The following FBXO34 variants were observed in gnomAD, a reference collection of about 807,000 sequenced individuals.
FBXO34 encodes F-box only protein 34.
A neutral mutation model predicts 24.5 loss-of-function variants in FBXO34; 12 were observed. The observed-to-expected ratio is 0.49, with a 90% CI of 0.31 to 0.79. The LOEUF is 0.79. FBXO34 is among the 30% of genes least tolerant of loss of function. The pLI is 0.04. For synonymous variants in FBXO34, 320 were observed against 311.9 expected (o/e 1.03, Z -0.27); for missense variants, 823 against 857.7 (o/e 0.96, Z 0.51).
chr14:55,339,365 C>T (rs1202802468), intron 1 of FBXO34: 1 of 132,496 alleles, frequency 7.5e-6, no homozygotes, highest in Admixed American at 7.5e-5. Context: ...TGTAACTGCT[C>T]CTTTAATCAC....
At chr14:55,333,789 A>G (rs1321209335) in intron 1 of FBXO34, among the ~76,000 whole-genome samples, 1 of 151,328 alleles carries the variant, frequency 6.6e-6, no homozygotes, top group African/African-American at 2.4e-5. Context: ...GTAAAGACTC[A>G]TGGGGAGACT....
intron 1 of FBXO34, among the ~76,000 whole-genome samples, chr14:55,295,584 C>T (rs1460566408): frequency 2.0e-5 from 3 of 151,806 alleles, no homozygotes; most frequent in Non-Finnish European, 4.4e-5. Flanking sequence ...TTAGTAGAGA[C>T]GGGGTTTTGC....
the FBXO34 span, among the ~76,000 whole-genome samples, chr14:55,386,858 C>G: frequency 2.6e-5 from 4 of 152,274 alleles, no homozygotes; most frequent in South Asian, 8.3e-4. Context: ...AACTCTCAGA[C>G]AGATATCTAG....
At chr14:55,386,930 C>G in the FBXO34 span, among the ~76,000 whole-genome samples, 1 of 152,028 alleles carries the variant, frequency 6.6e-6, no homozygotes, top group African/African-American at 2.4e-5. Context: ...CCAGGAAAAT[C>G]TTCTCCAGTT....
At chr14:55,278,724 G>C (rs941836120) in intron 1 of FBXO34, among the ~76,000 whole-genome samples, 1 of 152,184 alleles carries the variant, frequency 6.6e-6, no homozygotes, top group Non-Finnish European at 1.5e-5. Context: ...TGCTTGATCT[G>C]TTGCCTAGGC....
chr14:55,369,678 T>C, downstream of FBXO34: 1 of 1,582,216 alleles, frequency 6.3e-7, no homozygotes, highest in Non-Finnish European at 8.6e-7. Flanking sequence ...GCAGAGGAGA[T>C]CATCCCACCT....
the FBXO34 span, among the ~76,000 whole-genome samples, chr14:55,398,951 C>A: frequency 6.6e-6 from 1 of 152,096 alleles, no homozygotes; most frequent in East Asian, 1.9e-4. Flanking sequence ...ATGACTCATG[C>A]TGCAGTAACA....
the FBXO34 span, among the ~76,000 whole-genome samples, chr14:55,382,672 G>A: frequency 1.3e-5 from 2 of 152,176 alleles, no homozygotes; most frequent in Admixed American, 6.5e-5. Context: ...TGAAATATAC[G>A]TAGATAAGAG....
intron 1 of FBXO34, among the ~76,000 whole-genome samples, chr14:55,329,642 T>A (rs1276254514): frequency 6.6e-6 from 1 of 152,220 alleles, no homozygotes; most frequent in East Asian, 1.9e-4. Flanking sequence ...AATGGTGGAA[T>A]AGGATTAAAA....
rs138652671 is a variant in FBXO34, at chr14:55,351,115, C to G, written c.725C>G (p.Ser242Cys). The G allele has an allele frequency of 1.2e-6, 2 of 1,614,088 alleles. No homozygotes were observed. The highest frequency in any genetic ancestry group is 2.7e-5 in the African/African-American group (2 of 74,934). Residue 242 changes from serine to cysteine, a missense_variant, in exon 2 of 2, where the codon TCC (serine) becomes TGC (cysteine). Physicochemically the swap from Ser to Cys is moderately radical, Grantham distance 112. Coordinates refer to ENST00000313833, the MANE Select transcript of FBXO34 (RefSeq NM_017943.4). ...GCAATTGTGAGGTTTTCTGGCCAAT[C>G]CAGAGGTGTGCCTGCAGTGTCTGAG... Reference protein sequence around the residue: ...SPAIVRFSGQSRGVPAVSESY... With the variant: ...SPAIVRFSGQCRGVPAVSESY...
intron 1 of FBXO34, among the ~76,000 whole-genome samples, chr14:55,291,968 TAA>T (rs1271246844): frequency 6.6e-6 from 1 of 151,810 alleles, no homozygotes; most frequent in Non-Finnish European, 1.5e-5. Context: ...CTCATTTCTT[TAA>T]AAAAGAAAAA....
At chr14:55,296,459 G>T (rs1417003358) in intron 1 of FBXO34, among the ~76,000 whole-genome samples, 2 of 124,630 alleles carry the variant, frequency 1.6e-5, no homozygotes, top group African/African-American at 6.1e-5. Flanking sequence ...ACAGTGGCTT[G>T]ATCTTGGCTC....
At chr14:55,377,985 T>C in the FBXO34 span, 2 of 1,607,204 alleles carry the variant, frequency 1.2e-6, no homozygotes, top group Non-Finnish European at 8.5e-7. Flanking sequence ...TTTTCATACC[T>C]GAGAAAAACA....
chr14:55,407,827 A>G, the FBXO34 span, among the ~76,000 whole-genome samples: 1 of 152,182 alleles, frequency 6.6e-6, no homozygotes, highest in Admixed American at 6.5e-5. Context: ...ATCTTAGTGA[A>G]GGAGGTCAGG....
the FBXO34 span, among the ~76,000 whole-genome samples, chr14:55,420,016 G>A: frequency 5.3e-5 from 8 of 152,316 alleles, no homozygotes; most frequent in East Asian, 3.9e-4. Context: ...AAAGGAGACC[G>A]CCTTGGTTCC....
At chr14:55,429,082 T>C in the FBXO34 span, 6 of 1,371,604 alleles carry the variant, frequency 4.4e-6, no homozygotes, top group South Asian at 1.3e-5. Context: ...TTTCAATGTA[T>C]ACTATGAAGC....
chr14:55,430,175 C>G, the FBXO34 span, among the ~76,000 whole-genome samples: 1 of 152,096 alleles, frequency 6.6e-6, no homozygotes, highest in Non-Finnish European at 1.5e-5. Flanking sequence ...GCAACACCTG[C>G]AGGGTGAATC....
chr14:55,416,203 C>T, the FBXO34 span, among the ~76,000 whole-genome samples: 1 of 152,158 alleles, frequency 6.6e-6, no homozygotes, highest in South Asian at 2.1e-4. Context: ...CTACTAAATG[C>T]CACTGAACTG....
chr14:55,319,825 G>A (rs1313826100), intron 1 of FBXO34, among the ~76,000 whole-genome samples: 4 of 152,046 alleles, frequency 2.6e-5, no homozygotes, highest in East Asian at 1.9e-4. Context: ...ATGGGTGCCC[G>A]CCACCACGCC....
Sources: gnomAD v4.1 joint callset for allele counts (sites outside exome capture counted in the v4.1 genomes callset) on GRCh38, gnomAD v4.1.1 for gene constraint, MANE v1.5 for transcripts, NCBI Gene and HGNC (gene_info 2026-07-23, HGNC 2026-07-21) for gene names.